The following CRYBA2 variants were observed in gnomAD, a reference collection of about 807,000 sequenced individuals.
The protein encoded by CRYBA2 is beta-crystallin A2.
In CRYBA2, 17 loss-of-function variants were observed where a neutral mutation model predicts 18.5. The ratio of observed to expected loss-of-function variants is 0.92; its 90% CI spans 0.63 to 1.38. The LOEUF (loss-of-function observed/expected upper bound fraction) is 1.38. Among genes scored for constraint, CRYBA2 ranks in the 40% most tolerant of loss-of-function variants. The pLI is 0.00. For missense variants in CRYBA2, 271 were observed against 265.0 expected (o/e 1.02, Z -0.16); for synonymous variants, 101 against 106.2 (o/e 0.95, Z 0.30).
chr2:218,990,551 C>T (rs1945484126), intron 3 of CRYBA2, 152 bp from the exon 4 acceptor site: 1 of 1,005,108 alleles, frequency 9.9e-7, no homozygotes, highest in African/African-American at 1.6e-5. Flanking sequence ...CCTCCCCTGC[C>T]CACTGCTTCC....
chr2:218,993,101 G>C lies in CRYBA2; in HGVS notation c.76C>G (p.Arg26Gly), dbSNP rs368165827. ...LWDEEDFQGRRCRLLSDCANV... is the reference protein window; with the variant it reads ...LWDEEDFQGRGCRLLSDCANV... ...GCACAGTCGCTTAGCAGCCGACAGC[G>C]ACGGCCCTGGAAGTCCTCCTCGTCC... is the stretch of plus-strand genomic sequence containing the variant. Residue 26 changes from arginine to glycine, a missense_variant, in exon 1 of 4, where the codon CGC becomes GGC. Physicochemically the swap from Arg to Gly is moderately radical, Grantham distance 125 (BLOSUM62 -2). Coordinates refer to ENST00000295728, the MANE Select transcript of CRYBA2 (RefSeq NM_057093.2). The surrounding 1 kb of genome is among the most constrained non-coding windows in gnomAD (Gnocchi z 7.7). The C allele has an allele frequency of 1.2e-5, 19 of 1,611,990 alleles. No homozygotes were observed. The highest frequency in any genetic ancestry group is 1.6e-5 in the Non-Finnish European group (19 of 1,179,434).
In CRYBA2 at chr2:218,992,175, C is replaced by T. The variant is rs565087949; in HGVS notation, c.230G>A (p.Arg77His). Residue 77 changes from arginine to histidine, a missense_variant, in exon 2 of 4, where the codon CGC (arginine) becomes CAC (histidine). By Grantham distance (29) the Arg-to-His change is conservative. Transcript: ENST00000295728. The stretch of plus-strand genomic sequence containing the variant: ...GCTGCTGCCACTCCAGGCGCTCCAG[C>T]GAGGATAGTCTCCCTTCTCCAGAAT... ...QFILEKGDYPRWSAWSGSSSH... is the reference protein window; with the variant it reads ...QFILEKGDYPHWSAWSGSSSH... 3.7e-6 allele frequency: 6 copies of T among 1,613,408 alleles called. No homozygotes were observed. Among genetic ancestry groups the T allele is most frequent in the Admixed American group, 1.7e-5 (1 of 59,994 alleles).
At chr2:218,992,279 A>C in intron 1 of CRYBA2, 36 bp from the exon 2 acceptor site, 1 of 1,603,958 alleles carries the variant, frequency 6.2e-7, no homozygotes, top group Non-Finnish European at 8.5e-7. Flanking sequence ...TATCTGCCCC[A>C]GCCGCACCCT....
chr2:218,991,138 A>G, intron 2 of CRYBA2, 144 bp from the exon 3 acceptor site: 2 of 1,235,258 alleles, frequency 1.6e-6, no homozygotes, highest in Non-Finnish European at 2.2e-6. Context: ...AGCTCACCCC[A>G]TCAGCTCCCT....
At chr2:218,991,176 G>A (rs1037961514) in intron 2 of CRYBA2, 182 bp from the exon 3 acceptor site, 2 of 847,328 alleles carry the variant, frequency 2.4e-6, no homozygotes, top group African/African-American at 1.7e-5. Flanking sequence ...ATCGCTCAGA[G>A]GTTCCCCCGA....
intron 3 of CRYBA2, 93 bp from the exon 4 acceptor site, chr2:218,990,492 A>G: frequency 1.4e-6 from 2 of 1,425,970 alleles, no homozygotes; most frequent in East Asian, 2.5e-5. Context: ...GTAGCTCCCA[A>G]CCCCCAGTTC....
At position 218,993,251 on chromosome 2, in the gene CRYBA2, C is replaced by G; in HGVS notation, c.-75G>C. The G allele has an allele frequency of 3.5e-6, 5 of 1,439,002 alleles. No homozygotes were observed. The highest frequency in any genetic ancestry group is 4.7e-6 in the Non-Finnish European group (5 of 1,069,964). 89.1% of individuals were successfully genotyped at this position (1,439,002 alleles called of 1,614,324 possible). ...CCCGTTTCGAGCCACACACAGCCTGCCCAACCTGGGTAGCGGATGAAGAAC... is the reference window on the plus strand; with the variant it reads ...CCCGTTTCGAGCCACACACAGCCTGGCCAACCTGGGTAGCGGATGAAGAAC... On this transcript the variant is annotated 5_prime_UTR_variant, in exon 1 of 4. Transcript: ENST00000295728. This position sits in a 1 kb window ranked among gnomAD's most constrained non-coding sequence, Gnocchi z 7.7.
At chr2:218,991,207 T>G (rs1026553246) in intron 2 of CRYBA2, 2 of 593,980 alleles carry the variant, frequency 3.4e-6, no homozygotes, top group Non-Finnish European at 5.6e-6. Context: ...TCCCATGACT[T>G]TGAGATAAGG....
rs771180861 is a variant in CRYBA2, at chr2:218,992,234, G to A, written c.171C>T (p.Ala57=). Residue 57 remains alanine, a synonymous_variant, in exon 2 of 4, where the codon GCC becomes GCT. Transcript: ENST00000295728. The part of the protein sequence containing the change: ...SVKVENGVWV[A]FEYPDFQGQQ... ...GTCCCTGGAAGTCGGGGTACTCAAA[G>A]GCCACCCAACTGGAAAAGGAGAAGA... The A allele has an allele frequency of 1.2e-6, 2 of 1,613,396 alleles. No individual in the cohort carries two copies. Among genetic ancestry groups the A allele is most frequent in the South Asian group, 2.2e-5 (2 of 91,072 alleles).
chr2:218,993,041 G>A lies in CRYBA2; in HGVS notation c.136C>T (p.Arg46Cys), dbSNP rs1447159406. The A allele has an allele frequency of 1.2e-6, 2 of 1,606,908 alleles. No individual in the cohort carries two copies. Among genetic ancestry groups the A allele is most frequent in the South Asian group, 1.1e-5 (1 of 90,826 alleles). The change falls in exon 1 of 4, where the codon CGC (arginine) becomes TGC (cysteine). Residue 46 changes from arginine (R) to cysteine (C), a missense_variant. Coordinates refer to ENST00000295728, the MANE Select transcript of CRYBA2 (RefSeq NM_057093.2). The surrounding 1 kb of genome is among the most constrained non-coding windows in gnomAD (Gnocchi z 7.7). Reference protein sequence around the residue: ...VCERGGLPRVRSVKVENGVWV... With the variant: ...VCERGGLPRVCSVKVENGVWV... ...ACGCCGTTTTCCACCTTGACCGAGCGCACCCTGGGCAGGCCTCCGCGCTCG... is the reference window on the plus strand; with the variant it reads ...ACGCCGTTTTCCACCTTGACCGAGCACACCCTGGGCAGGCCTCCGCGCTCG...
Position 218,993,058 on chromosome 2 carries a change from C to T in CRYBA2, c.119G>A (p.Gly40Glu). 1.2e-6 allele frequency: 2 copies of T among 1,610,602 alleles called. No homozygotes were observed. The highest frequency in any genetic ancestry group is 1.3e-5 in the African/African-American group (1 of 74,966). Residue 40 changes from glycine (G) to glutamate (E), a missense_variant, in exon 1 of 4, where the codon GGA becomes GAA. Coordinates refer to ENST00000295728, the MANE Select transcript of CRYBA2 (RefSeq NM_057093.2). This position sits in a 1 kb window ranked among gnomAD's most constrained non-coding sequence, Gnocchi z 7.7. ...GACCGAGCGCACCCTGGGCAGGCCT[C>T]CGCGCTCGCAGACGTTCGCACAGTC... ...LSDCANVCER[G>E]GLPRVRSVKV...
At chr2:218,992,516 G>T (rs1350047682) in intron 1 of CRYBA2, among the ~76,000 whole-genome samples, 1 of 152,142 alleles carries the variant, frequency 6.6e-6, no homozygotes, top group African/African-American at 2.4e-5. Context: ...TCCCGACCCA[G>T]TGCTCCTGCC....
chr2:218,992,772 G>T (rs1288613926), intron 1 of CRYBA2, among the ~76,000 whole-genome samples: 1 of 152,188 alleles, frequency 6.6e-6, no homozygotes, highest in Non-Finnish European at 1.5e-5. Context: ...ACCCCTTCAC[G>T]GTGGGGTCCC....
chr2:218,992,148 C>T lies in CRYBA2; in HGVS notation c.257G>A (p.Ser86Asn). 1.9e-6 allele frequency: 3 copies of T among 1,611,394 alleles called. No homozygotes were observed. The highest frequency in any genetic ancestry group is 1.7e-6 in the Non-Finnish European group (2 of 1,179,478). ...PRWSAWSGSS[S>N]HNSNQLLSFR... ...GGACAGCAGCTGGTTGCTGTTGTGG[C>T]TGCTGCTGCCACTCCAGGCGCTCCA... The change falls in exon 2 of 4, where the codon AGC (serine) becomes AAC (asparagine). Residue 86 changes from serine to asparagine, a missense_variant. By Grantham distance (46) the Ser-to-Asn change is conservative (BLOSUM62 1). Coordinates refer to ENST00000295728, the MANE Select transcript of CRYBA2 (RefSeq NM_057093.2).
Position 218,991,135 on chromosome 2 carries a change from C to G in CRYBA2, c.304-141G>C, listed in dbSNP as rs191878331. ...ACCCACAGGCACTCCCAGAGCTCACCCCATCAGCTCCCTGGCAGTCTGGGA... is the reference window on the plus strand; with the variant it reads ...ACCCACAGGCACTCCCAGAGCTCACGCCATCAGCTCCCTGGCAGTCTGGGA... On this transcript the variant is annotated intron_variant, in intron 2 of 3. Coordinates refer to ENST00000295728, the MANE Select transcript of CRYBA2 (RefSeq NM_057093.2). The G allele has an allele frequency of 8.9e-5, 111 of 1,245,426 alleles. No homozygotes were observed. The East Asian group carries it at 1.1e-3, about 13-fold the overall frequency. 77.1% of individuals were successfully genotyped at this position (1,245,426 alleles called of 1,614,324 possible). A position where few individuals can be genotyped will look rare whatever the true frequency, so the allele number is the denominator to read the frequency against.
chr2:218,992,311 C>A (rs959812771), intron 1 of CRYBA2, 68 bp from the exon 2 acceptor site: 20 of 1,532,746 alleles, frequency 1.3e-5, no homozygotes, highest in Admixed American at 1.9e-5. Context: ...CCCTTGCCGG[C>A]CATGATTGAA....
At chr2:218,992,733 ACT>A (rs932490968) in intron 1 of CRYBA2, among the ~76,000 whole-genome samples, 16 of 151,624 alleles carry the variant, frequency 1.1e-4, no homozygotes, top group African/African-American at 3.9e-4. Flanking sequence ...ACAGAGAAAA[ACT>A]CTGGGAAGGG....
chr2:218,993,133 G>T lies in CRYBA2; in HGVS notation c.44C>A (p.Thr15Lys). The change falls in exon 1 of 4, where the codon ACG becomes AAG. Residue 15 changes from threonine (T) to lysine (K), a missense_variant. Physicochemically the swap from Thr to Lys is moderately conservative, Grantham distance 78 (BLOSUM62 -1). Coordinates refer to ENST00000295728, the MANE Select transcript of CRYBA2 (RefSeq NM_057093.2). The surrounding 1 kb of genome is among the most constrained non-coding windows in gnomAD (Gnocchi z 7.7). ...PAPGPAPASL[T>K]LWDEEDFQGR... is the part of the protein sequence containing the mutation. ...CTGGAAGTCCTCCTCGTCCCAGAGCGTGAGGCTGGCGGGCGCCGGGCCCGG... is the reference window on the plus strand; with the variant it reads ...CTGGAAGTCCTCCTCGTCCCAGAGCTTGAGGCTGGCGGGCGCCGGGCCCGG... 1.2e-6 allele frequency: 2 copies of T among 1,610,874 alleles called. No homozygotes were observed. The highest frequency in any genetic ancestry group is 1.7e-6 in the Non-Finnish European group (2 of 1,178,906).
Position 218,990,306 on chromosome 2 carries a change from G to T in CRYBA2, c.540C>A (p.Leu180=). 1.2e-6 allele frequency: 2 copies of T among 1,614,082 alleles called. No individual in the cohort carries two copies. The highest frequency in any genetic ancestry group is 1.7e-6 in the Non-Finnish European group (2 of 1,180,010). ...HSGEFCTYGE[L]GTQAHTGQLQ... is the part of the protein sequence containing the mutation. The stretch of plus-strand genomic sequence containing the variant: ...GCTGCCCAGTGTGGGCCTGTGTGCC[G>T]AGCTCACCGTAAGTACAGAACTCTC... The change falls in exon 4 of 4, where the codon CTC becomes CTA. Residue 180 remains leucine, a synonymous_variant. Coordinates refer to ENST00000295728, the MANE Select transcript of CRYBA2 (RefSeq NM_057093.2).
Sources: gnomAD v4.1 joint callset for allele counts (sites outside exome capture counted in the v4.1 genomes callset) on GRCh38, gnomAD v4.1.1 for gene constraint, Gnocchi (gnomAD v3.1) non-coding constraint, MANE v1.5 for transcripts, NCBI Gene and HGNC (gene_info 2026-07-23, HGNC 2026-07-21) for gene names.